PIK3C2B: variants seen among roughly 807,000 people sequenced by gnomAD.
PIK3C2B encodes phosphatidylinositol 4-phosphate 3-kinase C2 domain-containing subunit beta.
PIK3C2B carries 83 observed loss-of-function variants against 184.3 expected under a neutral mutation model. That is an observed-to-expected ratio of 0.45 (90% CI 0.38 to 0.54). The LOEUF is 0.54. Ranked by LOEUF, PIK3C2B falls within the 20% of genes least tolerant of loss-of-function variation. PIK3C2B has a pLI of 0.00. For missense variants in PIK3C2B, 1,736 were observed against 2,113.5 expected, an observed-to-expected ratio of 0.82 and a Z score of 3.50; for synonymous variants, 779 against 837.6, an observed-to-expected ratio of 0.93 and a Z score of 1.21.
At chr1:204,477,754 C>A (rs995510091) in intron 1 of PIK3C2B, among the ~76,000 whole-genome samples, 1 of 152,188 alleles carries the variant, frequency 6.6e-6, no homozygotes, top group Non-Finnish European at 1.5e-5. Flanking sequence ...GTCATCTCTT[C>A]CCCATACCCT....
chr1:204,437,712 G>A (rs902446587), intron 23 of PIK3C2B, among the ~76,000 whole-genome samples: 8 of 152,234 alleles, frequency 5.3e-5, no homozygotes, highest in Admixed American at 4.6e-4. Context: ...GCATCAGGAA[G>A]ACCGTGGCTT....
Position 204,433,572 on chromosome 1 carries a change from G to T in PIK3C2B, c.3844-147C>A. On this transcript the variant is annotated intron_variant, in intron 25 of 32. Coordinates refer to ENST00000684373, the MANE Select transcript of PIK3C2B (RefSeq NM_001377334.1). The surrounding 1 kb of genome is among the most constrained non-coding windows in gnomAD (Gnocchi z 5.0). ...CAGATGCTGTGGGCAGTGGCTGGAGGGCCACAGGAACTGAAGGGCTGGAGC... is the reference window on the plus strand; with the variant it reads ...CAGATGCTGTGGGCAGTGGCTGGAGTGCCACAGGAACTGAAGGGCTGGAGC... 1.4e-6 allele frequency: 1 copy of T among 711,478 alleles called. No homozygotes were observed. The highest frequency in any genetic ancestry group is 2.4e-6 in the Non-Finnish European group (1 of 414,570). 44.1% of individuals were successfully genotyped at this position (711,478 alleles called of 1,614,324 possible).
intron 2 of PIK3C2B, chr1:204,466,629 GAAGAAA>G (rs1655819273): frequency 2.7e-6 from 1 of 370,660 alleles, no homozygotes; most frequent in South Asian, 2.2e-5. Flanking sequence ...AGAGAGAGAG[GAAGAAA>G]AAGAGAAAGA....
rs1374998678 is a variant in PIK3C2B, at chr1:204,469,151, C to A, written c.652G>T (p.Gly218Cys). The A allele has an allele frequency of 1.2e-6, 2 of 1,614,036 alleles. No homozygotes were observed. Among genetic ancestry groups the A allele is most frequent in the Admixed American group, 1.7e-5 (1 of 60,006 alleles). The part of the protein sequence containing the change: ...LEEEEVLGGG[G>C]QGRLLGSVDY... ...ACAGACCCCAGTAGGCGCCCCTGAC[C>A]CCCACCTCCCAGCACCTCTTCCTCT... The change falls in exon 2 of 33, where the codon GGT becomes TGT. Residue 218 changes from glycine to cysteine, a missense_variant. By Grantham distance (159) the Gly-to-Cys change is radical (BLOSUM62 -3). This residue lies in a region of PIK3C2B where 404 missense variants were observed against 418.0 expected (regional missense o/e 0.97). Transcript: ENST00000684373.
chr1:204,488,723 T>C (rs1047339531), intron 1 of PIK3C2B, among the ~76,000 whole-genome samples: 8 of 152,188 alleles, frequency 5.3e-5, no homozygotes, highest in African/African-American at 1.9e-4. Context: ...CCCCAATTCC[T>C]ACTCATTGTT....
chr1:204,455,301 A>G (rs2942142), intron 11 of PIK3C2B, among the ~76,000 whole-genome samples: 140,612 of 151,482 alleles, frequency 0.93, 66,186 homozygotes, highest in East Asian at 1. Flanking sequence ...TACATTAAGT[A>G]AGGAACAAAG....
chr1:204,488,920 T>G (rs1291238781), intron 1 of PIK3C2B, among the ~76,000 whole-genome samples: 2 of 152,238 alleles, frequency 1.3e-5, no homozygotes, highest in Non-Finnish European at 2.9e-5. Context: ...TAACATGATC[T>G]GATAGACTTA....
At chr1:204,434,006 A>G in intron 24 of PIK3C2B, 57 bp from the exon 25 acceptor site, 9 of 1,400,558 alleles carry the variant, frequency 6.4e-6, no homozygotes, top group Non-Finnish European at 9.1e-6. Context: ...AGCCCACCAT[A>G]TGGGCTGCAT....
chr1:204,454,808 G>A lies in PIK3C2B; in HGVS notation c.1944-17C>T. 4 of 1,606,840 alleles carry A rather than the reference G, an allele frequency of 2.5e-6. No homozygotes were observed. Among genetic ancestry groups the A allele is most frequent in the East Asian group, 4.5e-5 (2 of 44,856 alleles). Reference sequence around the variant, plus strand: ...TCTTCATAGCTATAAAAGAAAGGGAGCAGGTCAGGACACCCAGCTCCCAAA... The same window carrying A: ...TCTTCATAGCTATAAAAGAAAGGGAACAGGTCAGGACACCCAGCTCCCAAA... On this transcript the variant is annotated splice_polypyrimidine_tract_variant and intron_variant, in intron 11 of 32. Transcript: ENST00000684373.
At chr1:204,480,760 G>A (rs114923958) in intron 1 of PIK3C2B, among the ~76,000 whole-genome samples, 166 of 151,990 alleles carry the variant, frequency 1.1e-3, no homozygotes, top group African/African-American at 3.9e-3. Flanking sequence ...GCAGAAAAAG[G>A]CAGAGCCAGC....
At chr1:204,466,297 GTCTAGC>G (rs935214671) in intron 2 of PIK3C2B, among the ~76,000 whole-genome samples, 1 of 152,210 alleles carries the variant, frequency 6.6e-6, no homozygotes, top group African/African-American at 2.4e-5. Flanking sequence ...TCTGGCGGGA[GTCTAGC>G]TCCGGCCTGT....
Position 204,454,794 on chromosome 1 carries a change from A to G in PIK3C2B, c.1944-3T>C, listed in dbSNP as rs779020844. The G allele has an allele frequency of 6.2e-7, 1 of 1,610,568 alleles. No individual in the cohort carries two copies. The highest frequency in any genetic ancestry group is 8.5e-7 in the Non-Finnish European group (1 of 1,179,782). On this transcript the variant is annotated splice_polypyrimidine_tract_variant and splice_region_variant and intron_variant, in intron 11 of 32. Coordinates refer to ENST00000684373, the MANE Select transcript of PIK3C2B (RefSeq NM_001377334.1). ...AGGAGAGGTAGAAATCTTCATAGCT[A>G]TAAAAGAAAGGGAGCAGGTCAGGAC...
At chr1:204,449,517 C>T (rs3014636) in intron 13 of PIK3C2B, among the ~76,000 whole-genome samples, 136,254 of 152,206 alleles carry the variant, frequency 0.9, 62,534 homozygotes, top group Non-Finnish European at 1. Context: ...TCTGGATGAC[C>T]TGGTGGCAGG....
chr1:204,443,376 C>T (rs920103480), intron 19 of PIK3C2B, 41 bp downstream of exon 19: 1 of 1,576,342 alleles, frequency 6.3e-7, no homozygotes, highest in African/African-American at 1.3e-5. Context: ...CTGCCAAAGC[C>T]CTGGATGAGA....
intron 3 of PIK3C2B, 101 bp from the exon 4 acceptor site, chr1:204,464,705 G>T: frequency 8.8e-7 from 1 of 1,142,190 alleles, no homozygotes; most frequent in Non-Finnish European, 1.2e-6. Context: ...GAGCCCCTCT[G>T]TCCCCACTCA....
intron 18 of PIK3C2B, 67 bp from the exon 19 acceptor site, chr1:204,443,664 C>T (rs1474783598): frequency 1.1e-4 from 157 of 1,443,754 alleles, no homozygotes; most frequent in Non-Finnish European, 5.8e-6. Flanking sequence ...CAGGGGGAGA[C>T]AGAGTCAGGC....
intron 1 of PIK3C2B, among the ~76,000 whole-genome samples, chr1:204,479,405 T>C (rs977354360): frequency 2.0e-5 from 3 of 152,172 alleles, no homozygotes; most frequent in Non-Finnish European, 4.4e-5. Flanking sequence ...TGACCTCCCC[T>C]GACCAACCTT....
In PIK3C2B at chr1:204,452,288, C is replaced by CTTTTTTT. The variant is rs71145086; in HGVS notation, c.2067-2278_2067-2272dup. On this transcript the variant is annotated intron_variant, in intron 12 of 32. Transcript: ENST00000684373. ...CTGGGCCAGAACACTGTGCAGCACC[C>CTTTTTTT]TTTTTTTTTTTTTTTTTTTTTTTTT... Among the ~76,000 whole-genome samples the CTTTTTTT allele has an allele frequency of 2.5e-3, 179 of 71,072 alleles. 19 individuals carry two copies. The highest frequency in any genetic ancestry group is 3.3e-3 in the South Asian group (5 of 1,528). The allele number at this position is 71,072 out of a possible 152,430, so 46.6% of individuals were successfully genotyped here. A position where few individuals can be genotyped will look rare whatever the true frequency, so the allele number is the denominator to read the frequency against.
intron 2 of PIK3C2B, chr1:204,467,155 AGT>A (rs1429912276): frequency 1.2e-5 from 4 of 332,604 alleles, no homozygotes; most frequent in African/African-American, 4.3e-5. Context: ...AGGGTGAGGG[AGT>A]AGGGGAGGCA....
Sources: gnomAD v4.1 joint callset for allele counts (sites outside exome capture counted in the v4.1 genomes callset) on GRCh38, gnomAD v4.1.1 for gene constraint, gnomAD v4.1.1 regional missense constraint, Gnocchi (gnomAD v3.1) non-coding constraint, MANE v1.5 for transcripts, NCBI Gene and HGNC (gene_info 2026-07-23, HGNC 2026-07-21) for gene names.